Variants in LSAMP observed in about 807,000 individuals in gnomAD.
LSAMP encodes the protein limbic system-associated membrane protein.
In LSAMP, 7 loss-of-function variants were observed where a neutral mutation model predicts 38.6. That is an observed-to-expected ratio of 0.18 (90% CI 0.10 to 0.34). The LOEUF (loss-of-function observed/expected upper bound fraction) is 0.34. Ranked by LOEUF, LSAMP falls within the 10% of genes least tolerant of loss-of-function variation. The pLI is 1.00. For synonymous variants in LSAMP, 154 were observed against 166.8 expected (o/e 0.92, Z 0.59); for missense variants, 313 against 420.0 (o/e 0.75, Z 2.23).
rs560424716 is a variant in LSAMP, at chr3:116,112,391, C to A, written c.156-25835G>T. Among the ~76,000 whole-genome samples, 8 of 152,306 alleles carry A rather than the reference C, an allele frequency of 5.3e-5. No individual in the cohort carries two copies. The South Asian group carries it at 1.7e-3, about 32-fold the overall frequency. On this transcript the variant is annotated intron_variant, in intron 1 of 6. Transcript: ENST00000490035. ...CACAGTTTAACATAGCCAGCTAGTA[C>A]ATCCTTTTTCTAGAACTCAAAGGAA...
In LSAMP at chr3:115,857,505, T is replaced by G. The variant is rs905744818; in HGVS notation, c.515-4888A>C. On this transcript the variant is annotated intron_variant, in intron 3 of 6. Coordinates refer to ENST00000490035, the MANE Select transcript of LSAMP (RefSeq NM_002338.5). Reference sequence around the variant, plus strand: ...GGGTCTTTCTCTTGTCCCTATCTATTATTTTTTGCCCTTACAGAAATGTTT... The same window carrying G: ...GGGTCTTTCTCTTGTCCCTATCTATGATTTTTTGCCCTTACAGAAATGTTT... Among the ~76,000 whole-genome samples, 7 of 152,244 alleles carry G rather than the reference T, an allele frequency of 4.6e-5. No individual in the cohort carries two copies. The South Asian group carries it at 1.5e-3, about 32-fold the overall frequency.
chr3:115,868,496 G>A (rs1935924388), intron 3 of LSAMP, among the ~76,000 whole-genome samples: 1 of 152,116 alleles, frequency 6.6e-6, no homozygotes, highest in Non-Finnish European at 1.5e-5. Flanking sequence ...GTGTATGTGG[G>A]ATGGGTGGAA....
chr3:116,184,767 CTGCTTGCTTGG>C (rs1710571711), intron 1 of LSAMP, among the ~76,000 whole-genome samples: 1 of 151,762 alleles, frequency 6.6e-6, no homozygotes, highest in Non-Finnish European at 1.5e-5. Flanking sequence ...TTCTAGAATT[CTGCTTGCTTGG>C]TGCTGAATCT....
intron 1 of LSAMP, among the ~76,000 whole-genome samples, chr3:116,217,103 T>G (rs1049641593): frequency 6.6e-6 from 1 of 152,204 alleles, no homozygotes; most frequent in East Asian, 1.9e-4. Flanking sequence ...AAGGCTGTTT[T>G]AATTAAGACT....
Position 115,833,958 on chromosome 3 carries a change from T to C in LSAMP, c.919+7887A>G, listed in dbSNP as rs79951562. Among the ~76,000 whole-genome samples the C allele has an allele frequency of 1.2e-4, 19 of 152,256 alleles. No individual in the cohort carries two copies. The East Asian group carries it at 3.7e-3, about 29-fold the overall frequency. On this transcript the variant is annotated intron_variant, in intron 6 of 6. Coordinates refer to ENST00000490035, the MANE Select transcript of LSAMP (RefSeq NM_002338.5). Reference sequence around the variant, plus strand: ...GGAGGCAAAATTTAATTTGAGTGCATAGAAAGTTTATGAAAAGGAATTCTG... The same window carrying C: ...GGAGGCAAAATTTAATTTGAGTGCACAGAAAGTTTATGAAAAGGAATTCTG...
At chr3:116,207,774 G>C (rs1313235760) in intron 1 of LSAMP, among the ~76,000 whole-genome samples, 2 of 152,128 alleles carry the variant, frequency 1.3e-5, no homozygotes, top group Non-Finnish European at 2.9e-5. Flanking sequence ...CGAGAGATCA[G>C]CTGTTAGTCT....
At chr3:115,973,048 C>T (rs184635971) in intron 3 of LSAMP, among the ~76,000 whole-genome samples, 37 of 151,968 alleles carry the variant, frequency 2.4e-4, no homozygotes, top group African/African-American at 8.4e-4. Flanking sequence ...AGTTTAAATG[C>T]GGTATTGGAT....
At chr3:116,248,835 A>G (rs1559798792) in intron 1 of LSAMP, among the ~76,000 whole-genome samples, 1 of 152,102 alleles carries the variant, frequency 6.6e-6, no homozygotes, top group Non-Finnish European at 1.5e-5. Context: ...TTTGGATATA[A>G]TCCCCATCAG....
At chr3:116,306,566 A>G (rs1054807137) in intron 1 of LSAMP, among the ~76,000 whole-genome samples, 4 of 152,026 alleles carry the variant, frequency 2.6e-5, no homozygotes, top group Non-Finnish European at 5.9e-5. Context: ...TGAAGGGTTC[A>G]GAAAATGTTA....
chr3:115,874,694 C>T (rs939294823), intron 3 of LSAMP, among the ~76,000 whole-genome samples: 4 of 152,106 alleles, frequency 2.6e-5, no homozygotes, highest in African/African-American at 9.7e-5. Flanking sequence ...AAGCTACCAT[C>T]TAAATGTATG....
intron 1 of LSAMP, among the ~76,000 whole-genome samples, chr3:116,382,044 A>G (rs1425933734): frequency 6.6e-6 from 1 of 152,152 alleles, no homozygotes; most frequent in African/African-American, 2.4e-5. Context: ...AGAAACAGGA[A>G]TACTTTTACA....
At chr3:115,874,002 A>T (rs1936116457) in intron 3 of LSAMP, among the ~76,000 whole-genome samples, 1 of 152,138 alleles carries the variant, frequency 6.6e-6, no homozygotes, top group Non-Finnish European at 1.5e-5. Context: ...TGTAATAAGA[A>T]ATATATTACA....
At chr3:116,236,140 T>A (rs561055263) in intron 1 of LSAMP, among the ~76,000 whole-genome samples, 2 of 152,288 alleles carry the variant, frequency 1.3e-5, no homozygotes, top group South Asian at 4.1e-4. Flanking sequence ...AAAACCCAAC[T>A]TTGTAGTGAA....
chr3:116,227,548 CAT>C (rs1195117164), intron 1 of LSAMP, among the ~76,000 whole-genome samples: 5 of 152,146 alleles, frequency 3.3e-5, no homozygotes, highest in Admixed American at 6.5e-5. Flanking sequence ...TGATGTTGAA[CAT>C]ATGTTTTTCA....
chr3:115,844,478 A>G (rs1265438560), intron 4 of LSAMP, among the ~76,000 whole-genome samples: 2 of 152,156 alleles, frequency 1.3e-5, no homozygotes, highest in Non-Finnish European at 2.9e-5. Flanking sequence ...AGAGCACATC[A>G]GTTCAAAGGA....
At chr3:116,144,260 G>A (rs1325347435) in intron 1 of LSAMP, among the ~76,000 whole-genome samples, 1 of 151,906 alleles carries the variant, frequency 6.6e-6, no homozygotes, top group Non-Finnish European at 1.5e-5. Flanking sequence ...TATTAGGCTG[G>A]GTGCAATGGT....
intron 1 of LSAMP, among the ~76,000 whole-genome samples, chr3:116,427,409 C>A (rs953705301): frequency 6.6e-6 from 1 of 151,942 alleles, no homozygotes; most frequent in Non-Finnish European, 1.5e-5. Context: ...CGTGAGCCAC[C>A]GCGCCCGGCC....
chr3:116,443,816 G>A (rs2049467543), intron 1 of LSAMP, among the ~76,000 whole-genome samples: 2 of 152,212 alleles, frequency 1.3e-5, no homozygotes, highest in Non-Finnish European at 1.5e-5. Context: ...CTTTCTTTTT[G>A]TTAGCATCTG....
chr3:116,062,569 G>A (rs541574807), intron 2 of LSAMP, among the ~76,000 whole-genome samples: 132 of 152,060 alleles, frequency 8.7e-4, no homozygotes, highest in Non-Finnish European at 1.3e-3. Flanking sequence ...CCAAAGTGCA[G>A]GAGGGTCTCT....
Sources: gnomAD v4.1 joint callset for allele counts (sites outside exome capture counted in the v4.1 genomes callset) on GRCh38, gnomAD v4.1.1 for gene constraint, MANE v1.5 for transcripts, NCBI Gene and HGNC (gene_info 2026-07-23, HGNC 2026-07-21) for gene names.